The following SHANK2 variants were observed in gnomAD, a reference collection of about 807,000 sequenced individuals.
SHANK2 encodes the protein SH3 and multiple ankyrin repeat domains protein 2.
Under a neutral mutation model 133.7 loss-of-function variants are expected in SHANK2, and 43 were observed. That is an observed-to-expected ratio of 0.32 (90% CI 0.25 to 0.41). The LOEUF is 0.41. SHANK2 is among the 10% of genes least tolerant of loss of function. SHANK2 has a pLI of 1.00. For synonymous variants in SHANK2, 1,017 were observed against 952.8 expected, an observed-to-expected ratio of 1.07 and a Z score of -1.24; for missense variants, 1,994 against 2,235.8, an observed-to-expected ratio of 0.89 and a Z score of 2.18.
Position 70,535,318 on chromosome 11 carries a change from A to C in SHANK2, c.2062-32387T>G, listed in dbSNP as rs2059529284. Among the ~76,000 whole-genome samples, 1 of 149,008 alleles carries C rather than the reference A, an allele frequency of 6.7e-6. No homozygotes were observed. ...TCCTCCATCATTCAGTCCATCCATC[A>C]CTCTATCCCTCTGTTCTTCCATTCA... On this transcript the variant is annotated intron_variant, in intron 17 of 25. Coordinates refer to ENST00000601538, the MANE Select transcript of SHANK2 (RefSeq NM_012309.5). The surrounding 1 kb of genome is among the most constrained non-coding windows in gnomAD (Gnocchi z 4.3).
At chr11:70,502,730 T>TGGGGGGGGGGGGGGGGGG in intron 18 of SHANK2, 66 bp downstream of exon 18, 13 of 772,450 alleles carry the variant, frequency 1.7e-5, no homozygotes, top group East Asian at 1.6e-4. Flanking sequence ...CCAGCTGTCC[T>TGGGGGGGGGGGGGGGGGG]GCCCGCCCCC....
chr11:70,481,020 A>G (rs1291001293), intron 25 of SHANK2, among the ~76,000 whole-genome samples: 2 of 152,192 alleles, frequency 1.3e-5, no homozygotes, highest in East Asian at 1.9e-4. Context: ...CTTCACAGAG[A>G]CACACTCACT....
At chr11:70,870,317 G>A (rs188547405) in intron 11 of SHANK2, among the ~76,000 whole-genome samples, 61 of 152,284 alleles carry the variant, frequency 4.0e-4, no homozygotes, top group African/African-American at 1.4e-3. Context: ...TGGGGAGGGA[G>A]GGGCAGATTC....
chr11:71,161,055 T>G (rs1221438422), intron 2 of SHANK2, among the ~76,000 whole-genome samples: 2 of 152,260 alleles, frequency 1.3e-5, no homozygotes, highest in Non-Finnish European at 2.9e-5. Flanking sequence ...AGCTGCTCTT[T>G]GCCAAAGGCA....
chr11:71,202,757 G>A lies in SHANK2; in HGVS notation c.-13+21940C>T, dbSNP rs1954041722. Among the ~76,000 whole-genome samples, 5 of 152,342 alleles carry A rather than the reference G, an allele frequency of 3.3e-5. No homozygotes were observed. In the South Asian group the frequency reaches 8.3e-4, roughly 25 times the overall value. On this transcript the variant is annotated intron_variant, in intron 2 of 25. Transcript: ENST00000601538. ...GACCAGGTCCCACCCAAAGGGCACAGCAAGGCTGTCTCCATCCACCTGGCC... is the reference window on the plus strand; with the variant it reads ...GACCAGGTCCCACCCAAAGGGCACAACAAGGCTGTCTCCATCCACCTGGCC...
intron 10 of SHANK2, among the ~76,000 whole-genome samples, chr11:70,949,690 C>A (rs1950804651): frequency 2.6e-5 from 4 of 152,192 alleles, no homozygotes; most frequent in Admixed American, 2.0e-4. Flanking sequence ...GTCCCCATCC[C>A]ACACACTCGC....
chr11:70,747,425 A>G (rs1946663712), intron 14 of SHANK2, among the ~76,000 whole-genome samples: 1 of 152,096 alleles, frequency 6.6e-6, no homozygotes, highest in South Asian at 2.1e-4. Context: ...TCAGGCTCCT[A>G]ATCACCCCAG....
chr11:70,557,839 C>A (rs1223592853), intron 17 of SHANK2, among the ~76,000 whole-genome samples: 2 of 152,246 alleles, frequency 1.3e-5, no homozygotes, highest in African/African-American at 4.8e-5. Flanking sequence ...TGCATCTGAG[C>A]CCACCTGGAC....
At chr11:71,056,026 C>A (rs1163233614) in intron 10 of SHANK2, among the ~76,000 whole-genome samples, 2 of 152,122 alleles carry the variant, frequency 1.3e-5, no homozygotes, top group African/African-American at 4.8e-5. Context: ...CACCACAGAA[C>A]ACCCTGGCCC....
intron 14 of SHANK2, among the ~76,000 whole-genome samples, chr11:70,765,067 G>A (rs782318611): frequency 6.6e-6 from 1 of 152,250 alleles, no homozygotes; most frequent in East Asian, 1.9e-4. Flanking sequence ...GGGGAGAGAA[G>A]TGTCAGGGCA....
At chr11:71,238,442 G>A (rs1338830856) in intron 1 of SHANK2, among the ~76,000 whole-genome samples, 3 of 152,192 alleles carry the variant, frequency 2.0e-5, no homozygotes, top group Admixed American at 1.3e-4. Flanking sequence ...TCATTTCAAG[G>A]ATAAGAAAAC....
chr11:70,661,498 TATACACACAC>T (rs2061488044), intron 16 of SHANK2, 88 bp downstream of exon 16: 1 of 1,067,438 alleles, frequency 9.4e-7, no homozygotes, highest in African/African-American at 1.8e-5. Context: ...CATGCAGGCG[TATACACACAC>T]ACACACACAC....
chr11:71,134,477 T>A (rs1952399196), intron 3 of SHANK2, among the ~76,000 whole-genome samples: 1 of 149,706 alleles, frequency 6.7e-6, no homozygotes, highest in African/African-American at 2.5e-5. Flanking sequence ...TCTTGCTCTG[T>A]CGCCCAGGCT....
chr11:70,603,490 C>G (rs570893612), intron 17 of SHANK2: 1 of 152,474 alleles, frequency 6.6e-6, no homozygotes, highest in South Asian at 2.1e-4. Flanking sequence ...GCAGTAAACC[C>G]AGAGTCCAGC....
intron 10 of SHANK2, among the ~76,000 whole-genome samples, chr11:70,941,503 C>T (rs782143764): frequency 2.0e-5 from 3 of 152,236 alleles, no homozygotes; most frequent in Non-Finnish European, 4.4e-5. Flanking sequence ...CCCCTCCCAA[C>T]TCTCCCAAAT....
chr11:71,210,210 G>GTGTATATATATGTGTATATATATATA (rs1491563939), intron 2 of SHANK2, among the ~76,000 whole-genome samples: 4 of 54,072 alleles, frequency 7.4e-5, no homozygotes, highest in Non-Finnish European at 1.3e-4. Context: ...AAATCCACAG[G>GTGTATATATATGTGTATATATATATA]TATATATATA....
chr11:70,500,669 T>TCAGGGCGCCTCAGGAGCAGG lies in SHANK2; in HGVS notation c.2288-99_2288-80dup. 6.5e-7 allele frequency: 1 copy of TCAGGGCGCCTCAGGAGCAGG among 1,549,288 alleles called. No individual in the cohort carries two copies. The highest frequency in any genetic ancestry group is 1.2e-5 in the South Asian group (1 of 84,310). ...CAGCCTACACTCGGGCCTTGTCAGCTCAGGGCGCCTCAGGAGCAGGCTGGG... is the reference window on the plus strand; with the variant it reads ...CAGCCTACACTCGGGCCTTGTCAGCTCAGGGCGCCTCAGGAGCAGGCAGGGCGCCTCAGGAGCAGGCTGGG... On this transcript the variant is annotated intron_variant, in intron 20 of 25. Coordinates refer to ENST00000601538, the MANE Select transcript of SHANK2 (RefSeq NM_012309.5). The surrounding 1 kb of genome is among the most constrained non-coding windows in gnomAD (Gnocchi z 4.5).
intron 10 of SHANK2, among the ~76,000 whole-genome samples, chr11:70,931,639 C>T (rs1464904725): frequency 2.0e-5 from 3 of 152,218 alleles, no homozygotes; most frequent in African/African-American, 4.8e-5. Context: ...TCTAAGCCCT[C>T]ACCCGCCCCT....
intron 8 of SHANK2, among the ~76,000 whole-genome samples, chr11:71,086,112 G>A (rs1352097579): frequency 2.4e-5 from 1 of 41,732 alleles, no homozygotes; most frequent in Non-Finnish European, 4.2e-5. Context: ...AATATATTAT[G>A]TTATATAATA....
Sources: allele counts gnomAD v4.1 joint callset (sites outside exome capture counted in the v4.1 genomes callset), GRCh38; gene constraint gnomAD v4.1.1; non-coding constraint Gnocchi (gnomAD v3.1); transcripts MANE v1.5; gene names NCBI Gene and HGNC (gene_info 2026-07-23, HGNC 2026-07-21).